The following ELL variants were observed in gnomAD, a reference collection of about 807,000 sequenced individuals.
ELL encodes the protein elongation factor for RNA polymerase II, also known as RNA polymerase II elongation factor ELL.
A neutral mutation model predicts 64.0 loss-of-function variants in ELL; 18 were observed. The ratio of observed to expected loss-of-function variants is 0.28; its 90% confidence interval spans 0.19 to 0.42. The LOEUF is 0.42. Among genes scored for constraint, ELL ranks in the 10% least tolerant of loss-of-function variants. The pLI is 1.00. For synonymous variants in ELL, 399 were observed against 376.2 expected (o/e 1.06, Z -0.70); for missense variants, 797 against 870.4 (o/e 0.92, Z 1.06).
chr19:18,498,878 AG>A (rs1373347441), intron 1 of ELL, among the ~76,000 whole-genome samples: 1 of 152,156 alleles, frequency 6.6e-6, no homozygotes, highest in Non-Finnish European at 1.5e-5. Context: ...TGAAACCAGG[AG>A]GCAGAGGTTG....
chr19:18,497,414 T>C (rs982134018), intron 1 of ELL, among the ~76,000 whole-genome samples: 1 of 152,128 alleles, frequency 6.6e-6, no homozygotes, highest in East Asian at 1.9e-4. Context: ...TTTGGGGCAG[T>C]GACATGACTG....
chr19:18,498,723 G>A (rs1975716483), intron 1 of ELL, among the ~76,000 whole-genome samples: 1 of 152,204 alleles, frequency 6.6e-6, no homozygotes, highest in Non-Finnish European at 1.5e-5. Flanking sequence ...GCCAAGGCGG[G>A]AGGATCGCTT....
intron 1 of ELL, among the ~76,000 whole-genome samples, chr19:18,511,406 G>A (rs1488278989): frequency 1.3e-5 from 2 of 152,254 alleles, no homozygotes; most frequent in African/African-American, 4.8e-5. Flanking sequence ...CTCCAGCCTC[G>A]GCGATCCAAC....
chr19:18,446,403 C>A lies in ELL; in HGVS notation c.1610G>T (p.Arg537Leu), dbSNP rs1974415995. Residue 537 changes from arginine (R) to leucine (L), a missense_variant, in exon 10 of 12, where the codon CGC becomes CTC. Arg to Leu is a moderately radical substitution (Grantham distance 102, BLOSUM62 -2). Transcript: ENST00000262809. The stretch of plus-strand genomic sequence containing the variant: ...GCGCTCAATGCGGGCGTGCAGGTCG[C>A]GGTACTCGCTGTACTCGGCATTGAA... ...NDFNAEYSEYRDLHARIERIT... is the reference protein window; with the variant it reads ...NDFNAEYSEYLDLHARIERIT... 6.2e-7 allele frequency: 1 copy of A among 1,612,274 alleles called. No individual in the cohort carries two copies. The highest frequency in any genetic ancestry group is 8.5e-7 in the Non-Finnish European group (1 of 1,179,852).
chr19:18,451,478 G>C (rs1974534751), intron 7 of ELL, 74 bp downstream of exon 7: 1 of 1,275,290 alleles, frequency 7.8e-7, no homozygotes, highest in Admixed American at 3.4e-5. Context: ...TGAGGAAGGT[G>C]ACAAGGGTTA....
chr19:18,521,604 C>T (rs1976278409), intron 1 of ELL, among the ~76,000 whole-genome samples: 1 of 151,932 alleles, frequency 6.6e-6, no homozygotes, highest in Non-Finnish European at 1.5e-5. Context: ...TGGACCCTGC[C>T]CAGGTGCCCA....
chr19:18,509,598 TACACACAC>T (rs1183127480), intron 1 of ELL, among the ~76,000 whole-genome samples: 8,142 of 81,682 alleles, frequency 0.1, 429 homozygotes, highest in Middle Eastern at 0.16. Context: ...CGCGCGCACA[TACACACAC>T]ACACACACAC....
chr19:18,492,212 G>C (rs538784740), intron 1 of ELL, among the ~76,000 whole-genome samples: 16 of 152,238 alleles, frequency 1.1e-4, no homozygotes, highest in African/African-American at 3.6e-4. Flanking sequence ...ACCTACCTCT[G>C]TGAGGAGGCC....
chr19:18,472,371 G>C, intron 2 of ELL: 1 of 158,588 alleles, frequency 6.3e-6, no homozygotes, highest in Non-Finnish European at 1.4e-5. Context: ...TTCTCATAAG[G>C]AGCACGCAAC....
chr19:18,503,841 C>G (rs1975830160), intron 1 of ELL, among the ~76,000 whole-genome samples: 1 of 152,156 alleles, frequency 6.6e-6, no homozygotes, highest in Non-Finnish European at 1.5e-5. Flanking sequence ...ACGGGACTGT[C>G]ACTCATCACT....
chr19:18,480,270 T>C (rs1386637606), intron 1 of ELL, among the ~76,000 whole-genome samples: 1 of 152,214 alleles, frequency 6.6e-6, no homozygotes, highest in African/African-American at 2.4e-5. Flanking sequence ...TCAGGAATCC[T>C]CCTTGAGACT....
chr19:18,463,050 C>T (rs1256188079), intron 4 of ELL, among the ~76,000 whole-genome samples: 43 of 152,204 alleles, frequency 2.8e-4, no homozygotes, highest in Admixed American at 2.6e-3. Context: ...GGAACAGGGT[C>T]GGCCGAGCAA....
chr19:18,444,440 A>G lies in ELL; in HGVS notation c.*312T>C. On this transcript the variant is annotated 3_prime_UTR_variant, in exon 12 of 12. Coordinates refer to ENST00000262809, the MANE Select transcript of ELL (RefSeq NM_006532.4). ...GTCTTTGTATAAAACTAGAAAAGGC[A>G]GGCGCGCCACCCCAAGGGCCTAGGA... The G allele has an allele frequency of 3.1e-6, 1 of 320,544 alleles. No individual in the cohort carries two copies. The highest frequency in any genetic ancestry group is 5.7e-6 in the Non-Finnish European group (1 of 174,266). 19.9% of individuals were successfully genotyped at this position (320,544 alleles called of 1,614,324 possible).
chr19:18,490,211 C>G (rs141798942), intron 1 of ELL, among the ~76,000 whole-genome samples: 157 of 151,680 alleles, frequency 1.0e-3, no homozygotes, highest in African/African-American at 3.7e-3. Context: ...CCCTCCCCCC[C>G]ACCCACGCCT....
chr19:18,510,239 G>A (rs146080363), intron 1 of ELL, among the ~76,000 whole-genome samples: 1,685 of 152,292 alleles, frequency 0.011, 35 homozygotes, highest in African/African-American at 0.038. Flanking sequence ...GCATTGTGGC[G>A]CAAGCCTGTA....
chr19:18,465,624 G>C (rs753943724), intron 3 of ELL, 49 bp from the exon 4 acceptor site: 1 of 1,522,952 alleles, frequency 6.6e-7, no homozygotes, highest in Non-Finnish European at 8.9e-7. Flanking sequence ...ACAATGCAGG[G>C]AGGATCCGTT....
chr19:18,470,527 G>C (rs1975042971), intron 2 of ELL, among the ~76,000 whole-genome samples: 1 of 152,274 alleles, frequency 6.6e-6, no homozygotes, highest in Non-Finnish European at 1.5e-5. Flanking sequence ...GTAAAAAGGA[G>C]GTGGCCAAAG....
rs574788681 is a variant in ELL, at chr19:18,471,012, A to G, written c.183+1823T>C. The G allele has an allele frequency of 2.2e-5, 10 of 456,436 alleles. No individual in the cohort carries two copies. The Admixed American group carries it at 2.3e-4, about 11-fold the overall frequency. The allele number at this position is 456,436 out of a possible 1,614,324, so 28.3% of individuals were successfully genotyped here. ...TGGATCATCATGTCCATATCCCCAC[A>G]TCCAGCTGTGCAGAGCTCTCAGGCT... On this transcript the variant is annotated intron_variant, in intron 2 of 11. Transcript: ENST00000262809.
In ELL at chr19:18,522,005, A is replaced by G. The variant is rs753266417; in HGVS notation, c.51T>C (p.Val17=). ...ACACCGACACCTTGCTGCCGTCGCT[A>G]ACCCGCCCGCACGACAGCCCGTAGC... ...DRSYGLSCGR[V]SDGSKVSVFH... The change falls in exon 1 of 12, where the codon GTT becomes GTC. Residue 17 remains valine (V), a synonymous_variant. Coordinates refer to ENST00000262809, the MANE Select transcript of ELL (RefSeq NM_006532.4). The G allele has an allele frequency of 6.2e-7, 1 of 1,610,930 alleles. No individual in the cohort carries two copies. Among genetic ancestry groups the G allele is most frequent in the Non-Finnish European group, 8.5e-7 (1 of 1,178,662 alleles).
Sources: gnomAD v4.1 joint callset for allele counts (sites outside exome capture counted in the v4.1 genomes callset) on GRCh38, gnomAD v4.1.1 for gene constraint, MANE v1.5 for transcripts, NCBI Gene and HGNC (gene_info 2026-07-23, HGNC 2026-07-21) for gene names.